Variants in SHTN1 observed in about 807,000 individuals in gnomAD.
SHTN1 encodes shootin 1.
Under a neutral mutation model 83.1 loss-of-function variants are expected in SHTN1, and 42 were observed. That is an observed-to-expected ratio of 0.51 (90% confidence interval 0.39 to 0.65). SHTN1 has a LOEUF of 0.65. Among genes scored for constraint, SHTN1 ranks in the 30% least tolerant of loss-of-function variants. SHTN1 has a pLI of 0.00. For synonymous variants in SHTN1, 224 were observed against 247.7 expected, an observed-to-expected ratio of 0.90 and a Z score of 0.90; for missense variants, 622 against 737.8, an observed-to-expected ratio of 0.84 and a Z score of 1.82.
chr10:117,007,900 C>G (rs1003092685), upstream of SHTN1, among the ~76,000 whole-genome samples: 2 of 151,446 alleles, frequency 1.3e-5, no homozygotes, highest in Non-Finnish European at 2.9e-5. Flanking sequence ...CCCAGCTACT[C>G]GGGAGGCTGA....
intron 4 of SHTN1, among the ~76,000 whole-genome samples, chr10:116,957,053 C>T (rs1850008518): frequency 6.6e-6 from 1 of 151,900 alleles, no homozygotes; most frequent in Admixed American, 6.6e-5. Flanking sequence ...CCTTCCAAAG[C>T]ACTGGGATTA....
intron 9 of SHTN1, among the ~76,000 whole-genome samples, chr10:116,938,137 A>G (rs1395193210): frequency 6.6e-6 from 1 of 151,726 alleles, no homozygotes; most frequent in African/African-American, 2.4e-5. Context: ...GGAGTTTGTT[A>G]TTACCAACCT....
chr10:117,034,916 C>T (rs1177324157), intron 2 of SHTN1, among the ~76,000 whole-genome samples: 5 of 152,076 alleles, frequency 3.3e-5, no homozygotes, highest in African/African-American at 1.2e-4. Context: ...AAGCAATCTA[C>T]AGATTCAATG....
intron 14 of SHTN1, among the ~76,000 whole-genome samples, chr10:116,910,776 A>G (rs1176134933): frequency 6.6e-6 from 1 of 152,196 alleles, no homozygotes; most frequent in Non-Finnish European, 1.5e-5. Context: ...AATCTATTAG[A>G]TAATCACCAC....
intron 2 of SHTN1, among the ~76,000 whole-genome samples, chr10:117,025,801 G>A (rs1852326069): frequency 1.3e-5 from 2 of 152,096 alleles, no homozygotes; most frequent in South Asian, 4.1e-4. Context: ...GACATTTCTA[G>A]ACAAACCCTA....
At chr10:117,049,250 C>G (rs544816475) in intron 1 of SHTN1, among the ~76,000 whole-genome samples, 1 of 152,190 alleles carries the variant, frequency 6.6e-6, no homozygotes, top group East Asian at 1.9e-4. Flanking sequence ...CAGCTTTAAG[C>G]AACTGGAATA....
chr10:117,040,681 G>A (rs1179693011), intron 2 of SHTN1, among the ~76,000 whole-genome samples: 3 of 152,068 alleles, frequency 2.0e-5, no homozygotes, highest in African/African-American at 4.8e-5. Flanking sequence ...TAGGGCAAGG[G>A]CTTTATTATG....
At chr10:117,071,251 T>G (rs1346548185) in intron 1 of SHTN1, among the ~76,000 whole-genome samples, 2 of 152,200 alleles carry the variant, frequency 1.3e-5, no homozygotes, top group Non-Finnish European at 2.9e-5. Context: ...TGGTGAAATA[T>G]TTAATTTTAT....
chr10:116,961,043 C>T (rs1850167176), intron 3 of SHTN1, among the ~76,000 whole-genome samples: 1 of 151,790 alleles, frequency 6.6e-6, no homozygotes, highest in East Asian at 1.9e-4. Context: ...TCCTTCCACC[C>T]ATATTTCTAG....
intron 2 of SHTN1, among the ~76,000 whole-genome samples, chr10:117,015,722 T>C (rs1234030495): frequency 6.6e-6 from 1 of 152,258 alleles, no homozygotes; most frequent in Non-Finnish European, 1.5e-5. Flanking sequence ...AAAGTCTTCA[T>C]ATACAGTGCT....
chr10:116,943,521 G>A (rs372132327), intron 8 of SHTN1, among the ~76,000 whole-genome samples: 5 of 152,116 alleles, frequency 3.3e-5, no homozygotes, highest in African/African-American at 1.2e-4. Context: ...GTTTTCCAGA[G>A]AGCTCTGACA....
chr10:117,097,397 C>G (rs1179897592), intron 1 of SHTN1, among the ~76,000 whole-genome samples: 1 of 152,212 alleles, frequency 6.6e-6, no homozygotes, highest in Non-Finnish European at 1.5e-5. Flanking sequence ...ATTCTTACGG[C>G]AAAATTTTAA....
intron 1 of SHTN1, among the ~76,000 whole-genome samples, chr10:117,053,510 G>C (rs1044717303): frequency 6.6e-6 from 1 of 152,106 alleles, no homozygotes; most frequent in Non-Finnish European, 1.5e-5. Context: ...CATATGAAAA[G>C]ATACTCAACA....
intron 2 of SHTN1, among the ~76,000 whole-genome samples, chr10:117,022,504 G>A (rs952709659): frequency 1.3e-5 from 2 of 151,738 alleles, no homozygotes; most frequent in Admixed American, 6.6e-5. Context: ...AGATAACCAC[G>A]TTTGAGGATT....
chr10:117,039,484 G>C (rs1434343001), intron 2 of SHTN1, among the ~76,000 whole-genome samples: 2 of 152,036 alleles, frequency 1.3e-5, no homozygotes, highest in Non-Finnish European at 2.9e-5. Context: ...ATGGACTATG[G>C]GTGATAATGA....
intron 2 of SHTN1, among the ~76,000 whole-genome samples, chr10:117,017,266 C>T (rs866952795): frequency 2.4e-4 from 36 of 151,902 alleles, no homozygotes; most frequent in Admixed American, 2.6e-4. Flanking sequence ...CCGAGGAGGG[C>T]GGATCACGAG....
chr10:116,968,864 T>G (rs1358840088), intron 2 of SHTN1, 152 bp from the exon 3 acceptor site: 2 of 600,892 alleles, frequency 3.3e-6, no homozygotes, highest in Non-Finnish European at 5.8e-6. Flanking sequence ...ATATATGAAC[T>G]TGCACTGCTC....
intron 1 of SHTN1, among the ~76,000 whole-genome samples, chr10:117,081,885 C>T (rs1853270325): frequency 6.6e-6 from 1 of 151,626 alleles, no homozygotes; most frequent in African/African-American, 2.4e-5. Flanking sequence ...GGTGACATCC[C>T]CTTTATCATT....
intron 9 of SHTN1, 102 bp downstream of exon 9, chr10:116,940,364 G>T: frequency 1.7e-6 from 2 of 1,201,902 alleles, no homozygotes; most frequent in Non-Finnish European, 2.3e-6. Flanking sequence ...ATATGAAACA[G>T]TAAATGACTG....
Sources: gnomAD v4.1 joint callset for allele counts (sites outside exome capture counted in the v4.1 genomes callset) on GRCh38, gnomAD v4.1.1 for gene constraint, MANE v1.5 for transcripts, NCBI Gene and HGNC (gene_info 2026-07-23, HGNC 2026-07-21) for gene names.